RABGAP1L: variants seen among roughly 807,000 people sequenced by gnomAD.
RABGAP1L encodes rab GTPase-activating protein 1-like.
In RABGAP1L, 63 loss-of-function variants were observed where a neutral mutation model predicts 137.7. The ratio of observed to expected loss-of-function variants is 0.46; its 90% confidence interval spans 0.37 to 0.56. RABGAP1L has a LOEUF of 0.56. Among genes scored for constraint, RABGAP1L ranks in the 20% least tolerant of loss-of-function variants. RABGAP1L has a pLI of 0.00. For missense variants in RABGAP1L, 1,095 were observed against 1,244.0 expected (o/e 0.88, Z 1.80); for synonymous variants, 431 against 433.7 (o/e 0.99, Z 0.08).
Position 174,977,263 on chromosome 1 carries a change from T to TA in RABGAP1L, c.2649+1082dup, listed in dbSNP as rs1040299532. Among the ~76,000 whole-genome samples the TA allele has an allele frequency of 1.8e-4, 28 of 152,362 alleles. 1 individual carries two copies. The highest frequency in any genetic ancestry group is 6.5e-4 in the African/African-American group (27 of 41,584). ...TCTGATTTAATGAGTCTTTGGCATT[T>TA]ACAGCGGCCCAGGATATATATTTCT... On this transcript the variant is annotated intron_variant, in intron 22 of 25. Coordinates refer to ENST00000681986, the MANE Select transcript of RABGAP1L (RefSeq NM_001366446.1).
intron 14 of RABGAP1L, among the ~76,000 whole-genome samples, chr1:174,639,943 C>G (rs1674389857): frequency 6.6e-6 from 1 of 152,086 alleles, no homozygotes; most frequent in Non-Finnish European, 1.5e-5. Context: ...CATTTTAAAA[C>G]TCTTTCTGAA....
chr1:174,947,402 G>A (rs1392421684), intron 19 of RABGAP1L, among the ~76,000 whole-genome samples: 1 of 150,880 alleles, frequency 6.6e-6, no homozygotes, highest in Admixed American at 6.6e-5. Context: ...AGCCAAGCCT[G>A]TTTAATTTCT....
chr1:174,533,409 C>T (rs1664608726), intron 13 of RABGAP1L, among the ~76,000 whole-genome samples: 1 of 152,182 alleles, frequency 6.6e-6, no homozygotes, highest in Non-Finnish European at 1.5e-5. Context: ...TTGCACTGTG[C>T]AGGTCTGCTT....
At chr1:174,863,756 C>T (rs1385045323) in intron 19 of RABGAP1L, among the ~76,000 whole-genome samples, 9 of 151,542 alleles carry the variant, frequency 5.9e-5, no homozygotes, top group Non-Finnish European at 1.3e-4. Context: ...CCAAGGCAGG[C>T]AGATCATGAG....
chr1:174,363,448 C>T (rs575623701), intron 11 of RABGAP1L, among the ~76,000 whole-genome samples: 9 of 152,240 alleles, frequency 5.9e-5, no homozygotes, highest in Admixed American at 3.3e-4. Flanking sequence ...TTTTTCATCT[C>T]TGATTTCTTT....
intron 18 of RABGAP1L, among the ~76,000 whole-genome samples, chr1:174,808,322 C>T (rs1689529241): frequency 6.6e-6 from 1 of 151,980 alleles, no homozygotes; most frequent in African/African-American, 2.4e-5. Context: ...GGCATGGTGG[C>T]ACACGCATGT....
chr1:174,309,409 A>G (rs1433017201), intron 11 of RABGAP1L, among the ~76,000 whole-genome samples: 1 of 152,102 alleles, frequency 6.6e-6, no homozygotes, highest in South Asian at 2.1e-4. Context: ...AAGTGGCAAG[A>G]ATAGGCATCC....
chr1:174,387,727 A>G (rs1340078883), intron 12 of RABGAP1L, among the ~76,000 whole-genome samples: 1 of 152,102 alleles, frequency 6.6e-6, no homozygotes, highest in African/African-American at 2.4e-5. Context: ...GCTCAGCTGA[A>G]ATTCAGTGTA....
chr1:174,319,484 A>G (rs1489944453), intron 11 of RABGAP1L, among the ~76,000 whole-genome samples: 2 of 152,138 alleles, frequency 1.3e-5, no homozygotes, highest in Non-Finnish European at 2.9e-5. Context: ...ATGTCACCTG[A>G]AAATAAAGAC....
chr1:174,298,904 C>G (rs1677388117), intron 10 of RABGAP1L, among the ~76,000 whole-genome samples: 1 of 152,196 alleles, frequency 6.6e-6, no homozygotes, highest in Admixed American at 6.5e-5. Flanking sequence ...TCTTTCTGAG[C>G]TGCAGCCAGA....
At position 174,815,634 on chromosome 1, in the gene RABGAP1L, G is replaced by A. The variant is rs189587559; in HGVS notation, c.2340+3674G>A. 4.9e-3 allele frequency among the ~76,000 whole-genome samples: 741 copies of A among 152,248 alleles called. 3 individuals carry two copies. Among genetic ancestry groups the A allele is most frequent in the Non-Finnish European group, 9.0e-3 (610 of 68,008 alleles). ...AGCAGTTGCAAGCAAAAAATAACTTGTTAGCTCTGTATGTGGTTTATTTCT... is the reference window on the plus strand; with the variant it reads ...AGCAGTTGCAAGCAAAAAATAACTTATTAGCTCTGTATGTGGTTTATTTCT... On this transcript the variant is annotated intron_variant, in intron 19 of 25. Transcript: ENST00000681986.
At chr1:174,222,641 A>C (rs1439408277) in intron 3 of RABGAP1L, among the ~76,000 whole-genome samples, 2 of 152,178 alleles carry the variant, frequency 1.3e-5, no homozygotes, top group Non-Finnish European at 2.9e-5. Flanking sequence ...GCTGAAATTT[A>C]AAATGCGTTA....
chr1:174,828,826 G>T (rs1187670152), intron 19 of RABGAP1L, among the ~76,000 whole-genome samples: 1 of 147,848 alleles, frequency 6.8e-6, no homozygotes, highest in African/African-American at 2.5e-5. Context: ...ACCACTGTTG[G>T]CGTTAAGAAC....
At chr1:174,833,196 A>G (rs572984858) in intron 19 of RABGAP1L, among the ~76,000 whole-genome samples, 1 of 151,542 alleles carries the variant, frequency 6.6e-6, no homozygotes, top group African/African-American at 2.4e-5. Context: ...TCAGTCGCAT[A>G]ATGTATTTAT....
At chr1:174,653,033 T>G (rs1278287421) in intron 14 of RABGAP1L, among the ~76,000 whole-genome samples, 1 of 152,174 alleles carries the variant, frequency 6.6e-6, no homozygotes, top group Non-Finnish European at 1.5e-5. Flanking sequence ...CTGGCTACAG[T>G]ATCTTTTCTG....
intron 10 of RABGAP1L, 80 bp downstream of exon 10, chr1:174,278,859 C>T (rs1167021885): frequency 1.7e-6 from 2 of 1,163,194 alleles, no homozygotes; most frequent in African/African-American, 1.6e-5. Context: ...AAGATAATTC[C>T]TGAAGTTGCA....
At chr1:174,725,373 G>A (rs1158072623) in intron 17 of RABGAP1L, among the ~76,000 whole-genome samples, 4 of 152,262 alleles carry the variant, frequency 2.6e-5, no homozygotes, top group East Asian at 3.9e-4. Flanking sequence ...GACTAAATAC[G>A]TAGTGTGAAG....
chr1:174,406,466 T>G (rs1391102725), intron 13 of RABGAP1L, among the ~76,000 whole-genome samples: 1 of 152,204 alleles, frequency 6.6e-6, no homozygotes, highest in East Asian at 1.9e-4. Context: ...TGTTAGAGGT[T>G]ATTGTTGAGC....
intron 13 of RABGAP1L, among the ~76,000 whole-genome samples, chr1:174,415,482 A>T (rs1170915096): frequency 6.6e-6 from 1 of 152,080 alleles, no homozygotes. Flanking sequence ...AGGAAAATTC[A>T]GTCACTTTTG....
Sources: allele counts gnomAD v4.1 joint callset (sites outside exome capture counted in the v4.1 genomes callset), GRCh38; gene constraint gnomAD v4.1.1; transcripts MANE v1.5; gene names NCBI Gene and HGNC (gene_info 2026-07-23, HGNC 2026-07-21).